Variants in ARHGAP24 observed in about 807,000 individuals in gnomAD.
The protein encoded by ARHGAP24 is rho GTPase-activating protein 24.
ARHGAP24 carries 50 observed loss-of-function variants against 76.4 expected under a neutral mutation model. The ratio of observed to expected loss-of-function variants is 0.65; its 90% confidence interval spans 0.52 to 0.83. The LOEUF (loss-of-function observed/expected upper bound fraction) is 0.83, where lower values mean the gene tolerates loss of function less well. ARHGAP24 is among the 40% of genes least tolerant of loss of function. ARHGAP24 has a pLI of 0.00. For synonymous variants in ARHGAP24, 345 were observed against 323.3 expected (o/e 1.07, Z -0.72); for missense variants, 930 against 914.2 (o/e 1.02, Z -0.22).
rs72654056 is a variant in ARHGAP24, at chr4:85,500,716, A to T, written c.-21+25157A>T. On this transcript the variant is annotated intron_variant, in intron 1 of 9. Transcript: ENST00000395184. ...AGAATGGAATATGGGGACTCATAAG[A>T]CTTTTTTATTATGATGATACTTTAA... 7.2e-3 allele frequency among the ~76,000 whole-genome samples: 1,094 copies of T among 152,082 alleles called. 10 individuals are homozygous for T. Among genetic ancestry groups the T allele is most frequent in the Non-Finnish European group, 9.9e-3 (673 of 67,944 alleles).
At chr4:85,621,638 AG>A (rs1720722999) in intron 2 of ARHGAP24, among the ~76,000 whole-genome samples, 1 of 151,350 alleles carries the variant, frequency 6.6e-6, no homozygotes, top group Non-Finnish European at 1.5e-5. Flanking sequence ...TGATTTATTT[AG>A]GTTCTTTATA....
At chr4:85,603,226 CT>C (rs1468619948) in intron 2 of ARHGAP24, among the ~76,000 whole-genome samples, 2 of 152,044 alleles carry the variant, frequency 1.3e-5, no homozygotes, top group African/African-American at 4.8e-5. Flanking sequence ...AATAAATTGT[CT>C]TTGGTGAAGA....
chr4:85,789,053 T>G (rs979838594), intron 3 of ARHGAP24, among the ~76,000 whole-genome samples: 15 of 152,030 alleles, frequency 9.9e-5, no homozygotes, highest in Non-Finnish European at 8.8e-5. Flanking sequence ...AGCCCCTAGA[T>G]AGCTCCAGCA....
intron 3 of ARHGAP24, among the ~76,000 whole-genome samples, chr4:85,800,015 A>T (rs554549308): frequency 6.6e-6 from 1 of 152,324 alleles, no homozygotes; most frequent in South Asian, 2.1e-4. Context: ...AGACATAAAA[A>T]CTAAATGCAG....
At chr4:85,820,119 C>T (rs959650398) in intron 3 of ARHGAP24, among the ~76,000 whole-genome samples, 3 of 152,152 alleles carry the variant, frequency 2.0e-5, no homozygotes, top group Non-Finnish European at 2.9e-5. Context: ...TTTGCCCTGG[C>T]AATTCCATTA....
chr4:85,606,132 T>C (rs1720183156), intron 2 of ARHGAP24, among the ~76,000 whole-genome samples: 1 of 152,210 alleles, frequency 6.6e-6, no homozygotes, highest in Admixed American at 6.5e-5. Context: ...TTTGAATACC[T>C]ACTATGTGCC....
At chr4:85,782,976 GTATT>G (rs1727634808) in intron 3 of ARHGAP24, among the ~76,000 whole-genome samples, 2 of 152,130 alleles carry the variant, frequency 1.3e-5, no homozygotes, top group Non-Finnish European at 2.9e-5. Flanking sequence ...GATTATTGGA[GTATT>G]TGTTACTTAG....
At chr4:85,612,524 C>T (rs1720428782) in intron 2 of ARHGAP24, among the ~76,000 whole-genome samples, 1 of 146,796 alleles carries the variant, frequency 6.8e-6, no homozygotes, top group South Asian at 2.3e-4. Flanking sequence ...TCTTATTCTT[C>T]ACCCATGAAT....
chr4:85,646,928 A>G (rs1721743559), intron 2 of ARHGAP24, among the ~76,000 whole-genome samples: 1 of 152,156 alleles, frequency 6.6e-6, no homozygotes, highest in Non-Finnish European at 1.5e-5. Flanking sequence ...CATGAAAAAG[A>G]CATTGACTCT....
intron 3 of ARHGAP24, among the ~76,000 whole-genome samples, chr4:85,749,965 G>A (rs1002490571): frequency 4.0e-5 from 6 of 151,804 alleles, no homozygotes; most frequent in Admixed American, 6.6e-5. Context: ...CAGCAGCAGC[G>A]GCAGCAGCAG....
chr4:85,601,001 G>A (rs113672415), intron 2 of ARHGAP24, among the ~76,000 whole-genome samples: 1 of 152,142 alleles, frequency 6.6e-6, no homozygotes, highest in African/African-American at 2.4e-5. Context: ...ACTTTTACAG[G>A]ACAAAAGAAT....
chr4:85,698,874 G>A (rs1338069847), intron 2 of ARHGAP24, among the ~76,000 whole-genome samples: 1 of 152,166 alleles, frequency 6.6e-6, no homozygotes, highest in Non-Finnish European at 1.5e-5. Context: ...ATGAGGGTAG[G>A]TCCCTCATAG....
At chr4:85,962,012 A>G (rs1738289694) in intron 5 of ARHGAP24, among the ~76,000 whole-genome samples, 1 of 152,148 alleles carries the variant, frequency 6.6e-6, no homozygotes, top group South Asian at 2.1e-4. Context: ...TACAATGGTG[A>G]AGTAACTAAG....
chr4:85,658,717 T>C (rs2109989636), intron 2 of ARHGAP24, among the ~76,000 whole-genome samples: 1 of 152,344 alleles, frequency 6.6e-6, no homozygotes, highest in African/African-American at 2.4e-5. Flanking sequence ...CCATGGGGAA[T>C]CACTCAAGCC....
intron 3 of ARHGAP24, among the ~76,000 whole-genome samples, chr4:85,760,555 A>T (rs1351059852): frequency 1.3e-5 from 2 of 152,182 alleles, no homozygotes; most frequent in African/African-American, 4.8e-5. Flanking sequence ...CTATTTGAGT[A>T]ATCTGCTTCC....
At chr4:85,938,756 G>C (rs888171323) in intron 4 of ARHGAP24, among the ~76,000 whole-genome samples, 2 of 151,672 alleles carry the variant, frequency 1.3e-5, no homozygotes, top group Admixed American at 6.6e-5. Context: ...TGTATTAAAG[G>C]CATCAGCTTT....
intron 4 of ARHGAP24, chr4:85,930,652 T>C (rs1736277540): frequency 2.7e-6 from 3 of 1,109,360 alleles, no homozygotes; most frequent in Non-Finnish European, 3.3e-6. Flanking sequence ...CCTGTGACAT[T>C]TTGGAATGTC....
chr4:85,912,313 A>G (rs963491399), intron 3 of ARHGAP24, among the ~76,000 whole-genome samples: 13 of 152,184 alleles, frequency 8.5e-5, no homozygotes, highest in Non-Finnish European at 1.6e-4. Context: ...CAGGCCCATA[A>G]GAAAAATTTC....
chr4:85,726,013 G>A (rs1725153089), intron 3 of ARHGAP24, among the ~76,000 whole-genome samples: 1 of 152,134 alleles, frequency 6.6e-6, no homozygotes, highest in Non-Finnish European at 1.5e-5. Context: ...TCTGATAGTT[G>A]GGAGAATTCC....
Sources: allele counts gnomAD v4.1 joint callset (sites outside exome capture counted in the v4.1 genomes callset), GRCh38; gene constraint gnomAD v4.1.1; transcripts MANE v1.5; gene names NCBI Gene and HGNC (gene_info 2026-07-23, HGNC 2026-07-21).